Variants in KCNMB2 observed in about 807,000 individuals in gnomAD.
KCNMB2 encodes the protein potassium calcium-activated channel subfamily M regulatory beta subunit 2, also known as calcium-activated potassium channel subunit beta-2.
A neutral mutation model predicts 24.5 loss-of-function variants in KCNMB2; 9 were observed. The observed-to-expected ratio is 0.37, with a 90% CI of 0.22 to 0.64. The LOEUF (loss-of-function observed/expected upper bound fraction) is 0.64, where lower values mean the gene tolerates loss of function less well. Among genes scored for constraint, KCNMB2 ranks in the 30% least tolerant of loss-of-function variants. The pLI is 0.63. For missense variants in KCNMB2, 226 were observed against 284.3 expected (o/e 0.79, Z 1.47); for synonymous variants, 109 against 104.4 (o/e 1.04, Z -0.27).
chr3:178,650,960 A>T (rs1281214271), intron 1 of KCNMB2, among the ~76,000 whole-genome samples: 1 of 152,228 alleles, frequency 6.6e-6, no homozygotes, highest in Non-Finnish European at 1.5e-5. Context: ...ATCATATTGA[A>T]TGGGCAAGAG....
chr3:178,740,087 T>C (rs776983514), intron 1 of KCNMB2, among the ~76,000 whole-genome samples: 4 of 152,190 alleles, frequency 2.6e-5, no homozygotes, highest in African/African-American at 4.8e-5. Flanking sequence ...GATTTTTTTT[T>C]TCCTTCTGCT....
intron 2 of KCNMB2, among the ~76,000 whole-genome samples, chr3:178,807,931 T>C (rs1051098350): frequency 2.5e-4 from 38 of 151,522 alleles, no homozygotes; most frequent in Admixed American, 2.5e-3. Context: ...ATATAATTAA[T>C]AAAATAATAA....
At chr3:178,614,263 A>ATGTATGTATG (rs1251198948) in intron 1 of KCNMB2, among the ~76,000 whole-genome samples, 1 of 68,466 alleles carries the variant, frequency 1.5e-5, no homozygotes, top group Admixed American at 1.5e-4. Flanking sequence ...ATATATATAT[A>ATGTATGTATG]TATATATATA....
intron 1 of KCNMB2, among the ~76,000 whole-genome samples, chr3:178,550,718 C>T (rs1353376623): frequency 1.3e-5 from 2 of 151,974 alleles, no homozygotes; most frequent in East Asian, 3.9e-4. Context: ...CTCTTTTTTG[C>T]CACTAGTGTG....
At chr3:178,720,081 T>C (rs1278638876) in intron 1 of KCNMB2, among the ~76,000 whole-genome samples, 1 of 152,136 alleles carries the variant, frequency 6.6e-6, no homozygotes, top group Non-Finnish European at 1.5e-5. Flanking sequence ...CTGCTCCCAT[T>C]AACTCGTCAT....
At chr3:178,606,628 T>C (rs1718282044) in intron 1 of KCNMB2, among the ~76,000 whole-genome samples, 1 of 152,170 alleles carries the variant, frequency 6.6e-6, no homozygotes, top group Non-Finnish European at 1.5e-5. Context: ...TCTGGGGCTA[T>C]GATGATCCCT....
intron 1 of KCNMB2, among the ~76,000 whole-genome samples, chr3:178,653,452 T>G (rs1027234528): frequency 1.3e-5 from 2 of 152,106 alleles, no homozygotes; most frequent in African/African-American, 2.4e-5. Flanking sequence ...AAGGATACTA[T>G]GTACTGTACC....
Position 178,624,780 on chromosome 3 carries a change from C to T in KCNMB2, c.-68+88069C>T, listed in dbSNP as rs149397261. ...GGGTGGGAAGGGTGTTGGCACTTCA[C>T]GTGGACAGGGCGGGCAACCTGTCCC... On this transcript the variant is annotated intron_variant, in intron 1 of 4. Transcript: ENST00000452583. Among the ~76,000 whole-genome samples, 10 of 151,874 alleles carry T rather than the reference C, an allele frequency of 6.6e-5. No homozygotes were observed. In the East Asian group the frequency reaches 1.4e-3, roughly 21 times the overall value.
chr3:178,604,475 A>G (rs1200797916), intron 1 of KCNMB2, among the ~76,000 whole-genome samples: 1 of 152,128 alleles, frequency 6.6e-6, no homozygotes, highest in Non-Finnish European at 1.5e-5. Flanking sequence ...CAGCATTTCA[A>G]AATGTCTGAA....
intron 1 of KCNMB2, among the ~76,000 whole-genome samples, chr3:178,645,149 C>A (rs962877993): frequency 2.0e-5 from 3 of 147,972 alleles, no homozygotes; most frequent in Non-Finnish European, 4.4e-5. Context: ...CACCCGGGTT[C>A]AAGCGATTCT....
At chr3:178,822,553 C>T (rs1714674022) in intron 2 of KCNMB2, among the ~76,000 whole-genome samples, 2 of 148,828 alleles carry the variant, frequency 1.3e-5, no homozygotes, top group Non-Finnish European at 3.0e-5. Context: ...GAACTCTGCT[C>T]TTCCAAATCA....
At chr3:178,593,099 A>T (rs528420935) in intron 1 of KCNMB2, among the ~76,000 whole-genome samples, 16 of 152,120 alleles carry the variant, frequency 1.1e-4, no homozygotes, top group Non-Finnish European at 2.2e-4. Flanking sequence ...CTGCCAACTA[A>T]CATGCCATTC....
intron 1 of KCNMB2, among the ~76,000 whole-genome samples, chr3:178,807,017 G>T (rs1182498949): frequency 6.6e-6 from 1 of 152,192 alleles, no homozygotes; most frequent in Non-Finnish European, 1.5e-5. Context: ...TACAGAGTAT[G>T]AAACCATACC....
chr3:178,650,363 T>G (rs913998105), intron 1 of KCNMB2, among the ~76,000 whole-genome samples: 4 of 152,178 alleles, frequency 2.6e-5, no homozygotes, highest in African/African-American at 9.6e-5. Flanking sequence ...TTAGGTCCGC[T>G]TGATCCTGAG....
intron 1 of KCNMB2, among the ~76,000 whole-genome samples, chr3:178,660,058 C>A (rs1720470992): frequency 1.3e-5 from 2 of 152,140 alleles, no homozygotes. Context: ...TTCCTTCTAT[C>A]CTGCAGCATG....
At chr3:178,761,287 T>C (rs1711864887) in intron 1 of KCNMB2, among the ~76,000 whole-genome samples, 1 of 152,194 alleles carries the variant, frequency 6.6e-6, no homozygotes, top group Non-Finnish European at 1.5e-5. Flanking sequence ...GCCAGAGCAA[T>C]AGTAGCATTG....
At chr3:178,556,726 C>T (rs1333452456) in intron 1 of KCNMB2, among the ~76,000 whole-genome samples, 2 of 152,110 alleles carry the variant, frequency 1.3e-5, no homozygotes, top group Non-Finnish European at 2.9e-5. Flanking sequence ...TTAAAGGAAA[C>T]TTTGTGCAAC....
In KCNMB2 at chr3:178,602,688, G is replaced by A. The variant is rs1718127896; in HGVS notation, c.-68+65977G>A. Among the ~76,000 whole-genome samples the A allele has an allele frequency of 2.0e-5, 3 of 152,056 alleles. No homozygotes were observed. In the South Asian group the frequency reaches 6.2e-4, roughly 32 times the overall value. On this transcript the variant is annotated intron_variant, in intron 1 of 4. Transcript: ENST00000452583. ...AGGGTCCTGCAGCTGGAGAGAGGAG[G>A]CAGGGTGAGTAAAGGACTGTAGCTT... is the stretch of plus-strand genomic sequence containing the variant.
intron 1 of KCNMB2, among the ~76,000 whole-genome samples, chr3:178,564,707 C>T (rs933377402): frequency 6.6e-6 from 1 of 152,182 alleles, no homozygotes; most frequent in African/African-American, 2.4e-5. Context: ...CTCTCATTAA[C>T]TTGATGGATT....
Sources: allele counts gnomAD v4.1 joint callset (sites outside exome capture counted in the v4.1 genomes callset), GRCh38; gene constraint gnomAD v4.1.1; transcripts MANE v1.5; gene names NCBI Gene and HGNC (gene_info 2026-07-23, HGNC 2026-07-21).